DOCK11: variants seen among roughly 807,000 people sequenced by gnomAD.
The protein encoded by DOCK11 is dedicator of cytokinesis protein 11.
In DOCK11, 70 loss-of-function variants were observed where a neutral mutation model predicts 169.1. That is an observed-to-expected ratio of 0.41 (90% CI 0.34 to 0.51). The LOEUF is 0.51. Ranked by LOEUF, DOCK11 falls within the 20% of genes least tolerant of loss-of-function variation. The pLI, the probability that DOCK11 is intolerant of heterozygous loss-of-function variation, is 0.10. For synonymous variants in DOCK11, 529 were observed against 541.3 expected, an observed-to-expected ratio of 0.98 and a Z score of 0.32; for missense variants, 1,166 against 1,538.8, an observed-to-expected ratio of 0.76 and a Z score of 4.05.
At chrX:118,538,502 ATTTTG>A (rs1325639888) in intron 1 of DOCK11, among the ~76,000 whole-genome samples, 1 of 112,394 alleles carries the variant, frequency 8.9e-6, no homozygotes, top group East Asian at 2.8e-4. Flanking sequence ...AGAACAAATC[ATTTTG>A]TTTTGTTTTG....
At chrX:118,605,563 A>G (rs2014475017) in intron 24 of DOCK11, among the ~76,000 whole-genome samples, 1 of 111,859 alleles carries the variant, frequency 8.9e-6, no homozygotes, top group East Asian at 2.8e-4. Context: ...TTTAATTTCC[A>G]CCTATTTTGA....
chrX:118,520,524 C>G (rs951633696), intron 1 of DOCK11, among the ~76,000 whole-genome samples: 9 of 112,555 alleles, frequency 8.0e-5, no homozygotes, highest in Non-Finnish European at 1.7e-4. Flanking sequence ...TTAGAAGATG[C>G]CTTGCATTAG....
intron 48 of DOCK11, among the ~76,000 whole-genome samples, chrX:118,677,622 C>A (rs1312674374): frequency 8.9e-6 from 1 of 112,723 alleles, no homozygotes; most frequent in East Asian, 2.8e-4. Context: ...AAAGACACTT[C>A]ATTGTCTACC....
chrX:118,644,953 G>A (rs2015619233), intron 40 of DOCK11, among the ~76,000 whole-genome samples: 1 of 111,853 alleles, frequency 8.9e-6, no homozygotes, highest in Non-Finnish European at 1.9e-5. Context: ...AAGACTAGTT[G>A]CAGTAAGCTA....
chrX:118,625,017 C>T (rs758372846), intron 32 of DOCK11, among the ~76,000 whole-genome samples: 6 of 110,533 alleles, frequency 5.4e-5, no homozygotes, highest in East Asian at 2.8e-4. Flanking sequence ...CTCTCAGCCC[C>T]GTGAAGTGCT....
Position 118,685,804 on chromosome X carries a change from G to A in DOCK11, c.6219G>A (p.Val2073=). 1 of 1,211,043 alleles carries A rather than the reference G, an allele frequency of 8.3e-7. No individual in the cohort carries two copies. Among genetic ancestry groups the A allele is most frequent in the South Asian group, 1.8e-5 (1 of 56,777 alleles). Residue 2073 remains valine (V), a synonymous_variant, in exon 53 of 53, where the codon GTG becomes GTA. Coordinates refer to ENST00000276202, the MANE Select transcript of DOCK11 (RefSeq NM_144658.4). ...RGYGSPRYAE[V] ...ATGGTTCCCCAAGATACGCTGAAGT[G>A]TGAGGAAATGCAGATGTACGTGACA...
intron 30 of DOCK11, chrX:118,616,147 A>G: frequency 1.3e-6 from 1 of 783,041 alleles, no homozygotes; most frequent in Non-Finnish European, 1.7e-6. Flanking sequence ...GTATAGCACT[A>G]TTCTTATGTT....
chrX:118,499,132 A>G (rs2057557056), intron 1 of DOCK11, among the ~76,000 whole-genome samples: 1 of 112,271 alleles, frequency 8.9e-6, no homozygotes, highest in Non-Finnish European at 1.9e-5. Flanking sequence ...AAGTGTTTAC[A>G]TATGTACTTG....
chrX:118,630,436 G>A lies in DOCK11; in HGVS notation c.3832G>A (p.Glu1278Lys). The change falls in exon 35 of 53, where the codon GAA becomes AAA. Residue 1278 changes from glutamate to lysine, a missense_variant. Glu to Lys is a moderately conservative substitution (Grantham distance 56). Coordinates refer to ENST00000276202, the MANE Select transcript of DOCK11 (RefSeq NM_144658.4). Reference protein sequence around the residue: ...VSQYNRLDQYEIRSLLMCYLY... With the variant: ...VSQYNRLDQYKIRSLLMCYLY... ...CCAGTATAACCGCCTGGATCAGTATGAAATCAGAAGCCTCCTGATGTGCTA... is the reference window on the plus strand; with the variant it reads ...CCAGTATAACCGCCTGGATCAGTATAAAATCAGAAGCCTCCTGATGTGCTA... 8.3e-7 allele frequency: 1 copy of A among 1,209,694 alleles called. No individual in the cohort carries two copies. The highest frequency in any genetic ancestry group is 3.0e-5 in the East Asian group (1 of 33,827).
At position 118,654,631 on chromosome X, in the gene DOCK11, C is replaced by T; in HGVS notation, c.4725C>T (p.Asp1575=). Residue 1575 remains aspartate (D), a synonymous_variant, in exon 43 of 53, where the codon GAC becomes GAT. Transcript: ENST00000276202. ...CTGCCTTTCCCGCAGAAGTCAAAGA[C>T]TTGACCAAGAGAATCCGCACTGTTC... ...KATAFPAEVK[D]LTKRIRTVLM... 1.7e-6 allele frequency: 2 copies of T among 1,211,190 alleles called. No homozygotes were observed. Among genetic ancestry groups the T allele is most frequent in the Non-Finnish European group, 2.2e-6 (2 of 895,314 alleles).
chrX:118,580,110 T>C lies in DOCK11; in HGVS notation c.1526T>C (p.Val509Ala). 8.3e-7 allele frequency: 1 copy of C among 1,209,712 alleles called. No homozygotes were observed. The highest frequency in any genetic ancestry group is 1.7e-5 in the African/African-American group (1 of 57,606). Reference sequence around the variant, plus strand: ...TTCTGACCTTAGACGGCCCAGAAGGTGCACAGGACAGCTAAACAAGTGTGT... The same window carrying C: ...TTCTGACCTTAGACGGCCCAGAAGGCGCACAGGACAGCTAAACAAGTGTGT... ...NSDPVKTAQK[V>A]HRTAKQVCSR... Residue 509 changes from valine (V) to alanine (A), a missense_variant, in exon 14 of 53, where the codon GTG becomes GCG. Transcript: ENST00000276202.
chrX:118,535,121 T>G (rs2011708531), intron 1 of DOCK11, among the ~76,000 whole-genome samples: 1 of 112,379 alleles, frequency 8.9e-6, no homozygotes, highest in African/African-American at 3.2e-5. Context: ...TGAGTAAGTT[T>G]TAGAAAATTC....
intron 29 of DOCK11, 22 bp from the exon 30 acceptor site, chrX:118,615,578 T>C: frequency 8.9e-7 from 1 of 1,125,209 alleles, no homozygotes; most frequent in Non-Finnish European, 1.2e-6. Context: ...TATGAGCTAA[T>C]GTATCATTTC....
intron 40 of DOCK11, among the ~76,000 whole-genome samples, chrX:118,646,302 G>C (rs1220241622): frequency 9.1e-6 from 1 of 110,341 alleles, no homozygotes; most frequent in Non-Finnish European, 1.9e-5. Flanking sequence ...CCATGGGAGT[G>C]GTTTGATTTT....
intron 30 of DOCK11, among the ~76,000 whole-genome samples, chrX:118,617,378 A>T (rs1470672019): frequency 9.2e-6 from 1 of 109,071 alleles, no homozygotes; most frequent in Admixed American, 9.8e-5. Flanking sequence ...TGTAATCCCA[A>T]CTACTCAGGA....
chrX:118,535,154 GA>G (rs1207895704), intron 1 of DOCK11, among the ~76,000 whole-genome samples: 1 of 112,241 alleles, frequency 8.9e-6, no homozygotes, highest in Non-Finnish European at 1.9e-5. Context: ...TTCATTCAAG[GA>G]AATAAAATGT....
chrX:118,608,581 A>G (rs1385441274), intron 26 of DOCK11, among the ~76,000 whole-genome samples: 1 of 111,548 alleles, frequency 9.0e-6, no homozygotes, highest in East Asian at 2.8e-4. Context: ...ATTTTGGATC[A>G]GATAGACCTG....
intron 16 of DOCK11, 87 bp from the exon 17 acceptor site, chrX:118,588,050 C>A: frequency 1.2e-6 from 1 of 812,641 alleles, no homozygotes; most frequent in Non-Finnish European, 1.7e-6. Context: ...TTTGAGAATG[C>A]AATTCATGTA....
chrX:118,671,327 A>G (rs756846390), intron 46 of DOCK11, among the ~76,000 whole-genome samples, 182 bp downstream of exon 46: 5 of 111,935 alleles, frequency 4.5e-5, no homozygotes, highest in Non-Finnish European at 9.4e-5. Flanking sequence ...CATTTGTCCA[A>G]TTTCAAAGTG....
Sources: gnomAD v4.1 joint callset for allele counts (sites outside exome capture counted in the v4.1 genomes callset) on GRCh38, gnomAD v4.1.1 for gene constraint, MANE v1.5 for transcripts, NCBI Gene and HGNC (gene_info 2026-07-23, HGNC 2026-07-21) for gene names.